The following PRKD1 variants were observed in gnomAD, a reference collection of about 807,000 sequenced individuals.
The protein encoded by PRKD1 is protein kinase D1.
In PRKD1, 63 loss-of-function variants were observed where a neutral mutation model predicts 95.9. The ratio of observed to expected loss-of-function variants is 0.66; its 90% CI spans 0.54 to 0.81. The LOEUF is 0.81. Ranked by LOEUF, PRKD1 falls within the 30% of genes least tolerant of loss-of-function variation. The pLI, the probability that PRKD1 is intolerant of heterozygous loss-of-function variation, is 0.00. For missense variants in PRKD1, 1,048 were observed against 1,165.3 expected, an observed-to-expected ratio of 0.90 and a Z score of 1.47; for synonymous variants, 425 against 423.1, an observed-to-expected ratio of 1.00 and a Z score of -0.05.
intron 1 of PRKD1, among the ~76,000 whole-genome samples, chr14:29,793,571 T>C (rs917819991): frequency 1.3e-5 from 2 of 152,118 alleles, no homozygotes; most frequent in African/African-American, 4.8e-5. Context: ...GTTTCTTACA[T>C]TGAAATGGGA....
intron 1 of PRKD1, among the ~76,000 whole-genome samples, chr14:29,759,892 G>A (rs2139484193): frequency 6.6e-6 from 1 of 152,244 alleles, no homozygotes; most frequent in East Asian, 1.9e-4. Context: ...ATCAGTCACA[G>A]GCAAAATATT....
intron 13 of PRKD1, among the ~76,000 whole-genome samples, chr14:29,601,560 T>C (rs1433882657): frequency 6.6e-6 from 1 of 152,112 alleles, no homozygotes; most frequent in Non-Finnish European, 1.5e-5. Context: ...CCCACGTTGC[T>C]CTCTCCTGGT....
chr14:29,819,412 CG>C (rs1890818071), intron 1 of PRKD1, among the ~76,000 whole-genome samples: 1 of 152,062 alleles, frequency 6.6e-6, no homozygotes, highest in African/African-American at 2.4e-5. Flanking sequence ...AAATGGGGGC[CG>C]GGCGCGGTGG....
intron 4 of PRKD1, among the ~76,000 whole-genome samples, chr14:29,651,045 C>T (rs1881461070): frequency 6.6e-6 from 1 of 152,068 alleles, no homozygotes; most frequent in African/African-American, 2.4e-5. Context: ...GAATCCTAGC[C>T]CATAATACTC....
intron 13 of PRKD1, among the ~76,000 whole-genome samples, chr14:29,607,631 T>A (rs1042435530): frequency 2.0e-5 from 3 of 152,206 alleles, no homozygotes; most frequent in Admixed American, 1.3e-4. Context: ...AGCTACTGCG[T>A]GTGGAGTCCT....
chr14:29,577,312 C>G lies in PRKD1; in HGVS notation c.2665G>C (p.Ala889Pro). The G allele has an allele frequency of 6.2e-7, 1 of 1,613,814 alleles. No individual in the cohort carries two copies. Among genetic ancestry groups the G allele is most frequent in the Non-Finnish European group, 8.5e-7 (1 of 1,179,842 alleles). ...QYPTHLINPS[A>P]SHSDTPETEE... ...GTCTCAGGAGTGTCACTGTGGCTAG[C>G]ACTTGGATTGATCAGGTGTGTGGGG... The change falls in exon 18 of 18, where the codon GCT becomes CCT. Residue 889 changes from alanine to proline, a missense_variant. Transcript: ENST00000331968.
chr14:29,850,287 A>G lies in PRKD1; in HGVS notation c.264+76962T>C, dbSNP rs142576144. 2.4e-4 allele frequency among the ~76,000 whole-genome samples: 37 copies of G among 152,318 alleles called. No homozygotes were observed. The East Asian group carries it at 6.7e-3, about 28-fold the overall frequency. ...AAATTATCTCTTTGCTAATGATATGATTCTATACCTAGAAAACCCTAAAGA... is the reference window on the plus strand; with the variant it reads ...AAATTATCTCTTTGCTAATGATATGGTTCTATACCTAGAAAACCCTAAAGA... On this transcript the variant is annotated intron_variant, in intron 1 of 17. Transcript: ENST00000331968.
At chr14:29,741,721 C>CCTAAAAACTAAAAAGG (rs1431760436) in intron 1 of PRKD1, among the ~76,000 whole-genome samples, 2 of 151,936 alleles carry the variant, frequency 1.3e-5, no homozygotes, top group Non-Finnish European at 2.9e-5. Flanking sequence ...CTACCTAAGT[C>CCTAAAAACTAAAAAGG]CTAAAAACTA....
At chr14:29,701,113 T>C (rs1884822806) in intron 2 of PRKD1, among the ~76,000 whole-genome samples, 1 of 152,318 alleles carries the variant, frequency 6.6e-6, no homozygotes, top group South Asian at 2.1e-4. Context: ...TTAGTACTGA[T>C]TGATAAGTAG....
At chr14:29,722,600 T>A (rs1344552633) in intron 2 of PRKD1, among the ~76,000 whole-genome samples, 1 of 152,166 alleles carries the variant, frequency 6.6e-6, no homozygotes, top group Non-Finnish European at 1.5e-5. Context: ...CTCATACATA[T>A]TTATTGAGAA....
At chr14:29,731,227 A>C (rs748629214) in intron 1 of PRKD1, among the ~76,000 whole-genome samples, 3 of 152,156 alleles carry the variant, frequency 2.0e-5, no homozygotes, top group Non-Finnish European at 4.4e-5. Flanking sequence ...GAGTGTTGTG[A>C]AATTTCCAAA....
At chr14:29,780,281 A>G (rs1310826652) in intron 1 of PRKD1, among the ~76,000 whole-genome samples, 11 of 152,064 alleles carry the variant, frequency 7.2e-5, no homozygotes, top group Admixed American at 6.6e-4. Context: ...AGCCAAAATT[A>G]ACAAATGGGA....
chr14:29,832,424 A>C lies in PRKD1; in HGVS notation c.264+94825T>G, dbSNP rs961918945. ...TGCATTTCTCTTATTGATTTATAAG[A>C]CTTTTCTGTTTGTCTGTTATGTATG... On this transcript the variant is annotated intron_variant, in intron 1 of 17. Transcript: ENST00000331968. Among the ~76,000 whole-genome samples, 3 of 152,026 alleles carry C rather than the reference A, an allele frequency of 2.0e-5. No individual in the cohort carries two copies. The East Asian group carries it at 5.8e-4, about 29-fold the overall frequency.
intron 1 of PRKD1, among the ~76,000 whole-genome samples, chr14:29,762,643 A>C (rs1381592584): frequency 6.6e-6 from 1 of 152,250 alleles, no homozygotes; most frequent in Non-Finnish European, 1.5e-5. Flanking sequence ...CAATATTTGA[A>C]ATGTCTTAGT....
At chr14:29,800,036 T>C (rs1889963535) in intron 1 of PRKD1, among the ~76,000 whole-genome samples, 1 of 152,124 alleles carries the variant, frequency 6.6e-6, no homozygotes, top group Admixed American at 6.5e-5. Flanking sequence ...ACAGAGAAAA[T>C]ACATGTGTTA....
rs1894353719 is a variant in PRKD1 at position 29,902,548 on chromosome 14, G to A, written c.264+24701C>T. 2.6e-5 allele frequency among the ~76,000 whole-genome samples: 4 copies of A among 152,144 alleles called. No homozygotes were observed. The South Asian group carries it at 8.3e-4, about 32-fold the overall frequency. ...TGGTTTTTTATTCGCCCACAGAGGC[G>A]GGAATAAACATTTCTTTCCTACATG... On this transcript the variant is annotated intron_variant, in intron 1 of 17. Transcript: ENST00000331968.
chr14:29,888,999 C>A (rs1893841218), intron 1 of PRKD1, among the ~76,000 whole-genome samples: 1 of 152,176 alleles, frequency 6.6e-6, no homozygotes, highest in Non-Finnish European at 1.5e-5. Context: ...ATCCCCTAAA[C>A]TGTGGTCTTC....
intron 1 of PRKD1, among the ~76,000 whole-genome samples, chr14:29,769,269 A>C (rs1342017493): frequency 6.6e-6 from 1 of 151,964 alleles, no homozygotes; most frequent in East Asian, 1.9e-4. Context: ...TTCTTTTTTA[A>C]ATAAAAGAAT....
intron 2 of PRKD1, 107 bp downstream of exon 2, chr14:29,725,429 C>A (rs1886091256): frequency 6.7e-6 from 9 of 1,339,308 alleles, no homozygotes; most frequent in Non-Finnish European, 9.2e-6. Flanking sequence ...TCTCTTGGAG[C>A]TGAGTTTGAG....
Sources: allele counts gnomAD v4.1 joint callset (sites outside exome capture counted in the v4.1 genomes callset), GRCh38; gene constraint gnomAD v4.1.1; transcripts MANE v1.5; gene names NCBI Gene and HGNC (gene_info 2026-07-23, HGNC 2026-07-21).